TAMM41: variants seen among roughly 807,000 people sequenced by gnomAD.
TAMM41 encodes the protein phosphatidate cytidylyltransferase, mitochondrial.
TAMM41 carries 36 observed loss-of-function variants against 44.1 expected under a neutral mutation model. That is an observed-to-expected ratio of 0.82 (90% confidence interval 0.63 to 1.08). TAMM41 has a LOEUF of 1.08. Ranked by LOEUF, TAMM41 falls within the 50% of genes least tolerant of loss-of-function variation. The pLI, the probability that TAMM41 is intolerant of heterozygous loss-of-function variation, is 0.00. For synonymous variants in TAMM41, 164 were observed against 153.1 expected (o/e 1.07, Z -0.53); for missense variants, 417 against 404.3 (o/e 1.03, Z -0.27).
At chr3:11,798,068 C>T (rs1036683630) in intron 7 of TAMM41, among the ~76,000 whole-genome samples, 1 of 152,100 alleles carries the variant, frequency 6.6e-6, no homozygotes, top group Non-Finnish European at 1.5e-5. Flanking sequence ...ATTAGTTCAA[C>T]CACTGTGGAA....
the TAMM41 span, among the ~76,000 whole-genome samples, chr3:11,736,591 C>T: frequency 2.0e-5 from 3 of 152,154 alleles, no homozygotes; most frequent in African/African-American, 7.2e-5. Context: ...CCAAGGATGG[C>T]GTCTGGGTCT....
chr3:11,751,846 CA>C, the TAMM41 span, among the ~76,000 whole-genome samples: 1 of 152,088 alleles, frequency 6.6e-6, no homozygotes, highest in Non-Finnish European at 1.5e-5. Context: ...TATCGATAGC[CA>C]GGGGGTTCAG....
At chr3:11,830,593 G>A (rs2078941531) in intron 3 of TAMM41, 1 of 152,208 alleles carries the variant, frequency 6.6e-6, no homozygotes, top group Admixed American at 6.5e-5. Context: ...TACAAAGAGT[G>A]ACTGGGTGTG....
At chr3:11,756,899 T>C in the TAMM41 span, among the ~76,000 whole-genome samples, 2 of 151,690 alleles carry the variant, frequency 1.3e-5, no homozygotes, top group Non-Finnish European at 2.9e-5. Flanking sequence ...AATCCAGTCT[T>C]CCAGATTCCA....
the TAMM41 span, among the ~76,000 whole-genome samples, chr3:11,772,106 T>C: frequency 6.6e-6 from 1 of 151,914 alleles, no homozygotes; most frequent in African/African-American, 2.4e-5. Context: ...AATCGCTCTC[T>C]GTTGCCTAGG....
At chr3:11,803,789 T>C (rs997785737) in intron 7 of TAMM41, among the ~76,000 whole-genome samples, 2 of 152,186 alleles carry the variant, frequency 1.3e-5, no homozygotes, top group African/African-American at 4.8e-5. Context: ...TGCAGCAAGA[T>C]GGATAGAACT....
chr3:11,827,660 G>C lies in TAMM41; in HGVS notation c.562+2054C>G, dbSNP rs1167799800. On this transcript the variant is annotated intron_variant, in intron 4 of 7. Transcript: ENST00000455809. ...GGAAAAAAAAAAAAAAAAAAAGGAGGGGGGTGGAGGAAAAATAATAAAAAT... is the reference window on the plus strand; with the variant it reads ...GGAAAAAAAAAAAAAAAAAAAGGAGCGGGGTGGAGGAAAAATAATAAAAAT... Among the ~76,000 whole-genome samples the C allele has an allele frequency of 3.3e-5, 5 of 149,812 alleles. No individual in the cohort carries two copies. The East Asian group carries it at 9.7e-4, about 29-fold the overall frequency.
the TAMM41 span, among the ~76,000 whole-genome samples, chr3:11,734,878 CAAAAAAAAA>C: frequency 1.5e-4 from 11 of 73,276 alleles, no homozygotes; most frequent in South Asian, 2.8e-3. Context: ...TACTAAAATA[CAAAAAAAAA>C]AAAAAAAAAA....
the TAMM41 span, among the ~76,000 whole-genome samples, chr3:11,776,016 AT>A: frequency 0.7 from 91,694 of 130,616 alleles, 31,635 homozygotes; most frequent in East Asian, 0.95. Flanking sequence ...TAATTAATTA[AT>A]TTTTTTTTTT....
rs371016629 is a variant in TAMM41 at position 11,819,342 on chromosome 3, A to G, written c.563-2005T>C. On this transcript the variant is annotated intron_variant, in intron 4 of 7. Coordinates refer to ENST00000455809, the MANE Select transcript of TAMM41 (RefSeq NM_001284401.2). ...CACACAGCTCTCCTCTCAGGTAGAT[A>G]GGATTCTATCCCCATTCATACACAA... Among the ~76,000 whole-genome samples, 9 of 152,244 alleles carry G rather than the reference A, an allele frequency of 5.9e-5. No individual in the cohort carries two copies. In the East Asian group the frequency reaches 7.7e-4, roughly 13 times the overall value.
chr3:11,769,852 A>G, the TAMM41 span, among the ~76,000 whole-genome samples: 1 of 152,214 alleles, frequency 6.6e-6, no homozygotes, highest in East Asian at 1.9e-4. Flanking sequence ...CTCACGGCCC[A>G]GCTCGCATTT....
At chr3:11,741,669 TGTTTTTACCATA>T in the TAMM41 span, among the ~76,000 whole-genome samples, 3 of 150,342 alleles carry the variant, frequency 2.0e-5, 1 homozygote, top group African/African-American at 7.6e-5. Flanking sequence ...GGAGAAAATT[TGTTTTTACCATA>T]GATCTTGGCA....
chr3:11,809,762 T>C (rs1462472944), intron 5 of TAMM41, 80 bp from the exon 6 acceptor site: 7 of 1,450,024 alleles, frequency 4.8e-6, no homozygotes, highest in Non-Finnish European at 5.6e-6. Context: ...GGCTTCTCTT[T>C]AAAAATCACA....
chr3:11,798,545 G>A (rs985554524), intron 7 of TAMM41, among the ~76,000 whole-genome samples: 1 of 152,048 alleles, frequency 6.6e-6, no homozygotes, highest in Non-Finnish European at 1.5e-5. Flanking sequence ...AATAACTAAT[G>A]GGTTCTAACT....
At chr3:11,778,158 T>C in the TAMM41 span, among the ~76,000 whole-genome samples, 4 of 152,200 alleles carry the variant, frequency 2.6e-5, no homozygotes, top group African/African-American at 7.2e-5. Context: ...TGTGTGGACA[T>C]ATATTTTCAT....
At chr3:11,807,222 G>A (rs944859254) in intron 7 of TAMM41, 24 of 1,428,878 alleles carry the variant, frequency 1.7e-5, no homozygotes, top group Middle Eastern at 2.6e-4. Context: ...TGTACTCTGT[G>A]GCTCACCATA....
At chr3:11,761,563 A>G in the TAMM41 span, among the ~76,000 whole-genome samples, 2 of 152,176 alleles carry the variant, frequency 1.3e-5, no homozygotes, top group African/African-American at 4.8e-5. Flanking sequence ...TATAAGCCAT[A>G]GTTCCAAATA....
the TAMM41 span, among the ~76,000 whole-genome samples, chr3:11,782,698 G>A: frequency 6.6e-6 from 1 of 152,182 alleles, no homozygotes; most frequent in African/African-American, 2.4e-5. Context: ...CAGTCCACTA[G>A]TTCAAAGTAC....
intron 5 of TAMM41, among the ~76,000 whole-genome samples, chr3:11,815,513 T>C (rs1324066283): frequency 6.6e-6 from 1 of 152,072 alleles, no homozygotes; most frequent in Non-Finnish European, 1.5e-5. Flanking sequence ...GAAACAAAGT[T>C]GTACAGGAAA....
Sources: allele counts gnomAD v4.1 joint callset (sites outside exome capture counted in the v4.1 genomes callset), GRCh38; gene constraint gnomAD v4.1.1; transcripts MANE v1.5; gene names NCBI Gene and HGNC (gene_info 2026-07-23, HGNC 2026-07-21).